Variants in AGTPBP1 observed in about 807,000 individuals in gnomAD.
The protein encoded by AGTPBP1 is ATP/GTP binding carboxypeptidase 1.
A neutral mutation model predicts 143.9 loss-of-function variants in AGTPBP1; 70 were observed. That is an observed-to-expected ratio of 0.49 (90% CI 0.40 to 0.59). The LOEUF (loss-of-function observed/expected upper bound fraction) is 0.59. AGTPBP1 is among the 20% of genes least tolerant of loss of function. The pLI is 0.00. For missense variants in AGTPBP1, 1,229 were observed against 1,464.5 expected (o/e 0.84, Z 2.62); for synonymous variants, 463 against 500.2 (o/e 0.93, Z 0.99).
chr9:85,584,847 A>G (rs1828504263), intron 23 of AGTPBP1, among the ~76,000 whole-genome samples: 1 of 152,238 alleles, frequency 6.6e-6, no homozygotes, highest in African/African-American at 2.4e-5. Flanking sequence ...CCAAATATAA[A>G]AGACTTGACT....
chr9:85,663,628 A>C (rs1833967195), intron 8 of AGTPBP1, among the ~76,000 whole-genome samples: 1 of 152,062 alleles, frequency 6.6e-6, no homozygotes, highest in East Asian at 1.9e-4. Context: ...GAAAAAAAAA[A>C]AACAATTGAA....
intron 4 of AGTPBP1, among the ~76,000 whole-genome samples, chr9:85,681,021 C>CTTA (rs1010261312): frequency 3.9e-5 from 6 of 152,192 alleles, no homozygotes; most frequent in Non-Finnish European, 5.9e-5. Flanking sequence ...GGGAAATATA[C>CTTA]TTCAATAGTC....
At chr9:85,553,481 C>T (rs1826151809) in intron 25 of AGTPBP1, among the ~76,000 whole-genome samples, 1 of 152,166 alleles carries the variant, frequency 6.6e-6, no homozygotes, top group East Asian at 1.9e-4. Context: ...GTAGGCTAGG[C>T]TAAGCTATGA....
At chr9:85,785,108 G>A in the AGTPBP1 span, among the ~76,000 whole-genome samples, 4 of 151,952 alleles carry the variant, frequency 2.6e-5, no homozygotes, top group South Asian at 2.1e-4. Flanking sequence ...CAAGGCAGGC[G>A]GATCACCTGA....
At chr9:85,743,660 T>C (rs1022761907), upstream of AGTPBP1, among the ~76,000 whole-genome samples, 1 of 152,188 alleles carries the variant, frequency 6.6e-6, no homozygotes, top group Non-Finnish European at 1.5e-5. Context: ...TGCAAGATAC[T>C]TTGAGAGCTC....
chr9:85,677,311 T>G (rs1587880215), intron 6 of AGTPBP1, 125 bp downstream of exon 6: 1 of 850,504 alleles, frequency 1.2e-6, no homozygotes, highest in East Asian at 2.9e-5. Context: ...ACATGTACAA[T>G]TATTGTGTAT....
At chr9:85,573,794 C>A (rs550058279) in intron 25 of AGTPBP1, among the ~76,000 whole-genome samples, 1 of 151,540 alleles carries the variant, frequency 6.6e-6, no homozygotes, top group Non-Finnish European at 1.5e-5. Context: ...TGCCCGGCAG[C>A]GACCCCGTCT....
chr9:85,802,529 C>T, the AGTPBP1 span, among the ~76,000 whole-genome samples: 1 of 152,116 alleles, frequency 6.6e-6, no homozygotes, highest in Non-Finnish European at 1.5e-5. Context: ...TTACCATGTT[C>T]TTTAGTCAGT....
At chr9:85,564,024 GA>G (rs1328710709) in intron 25 of AGTPBP1, among the ~76,000 whole-genome samples, 2 of 152,218 alleles carry the variant, frequency 1.3e-5, no homozygotes, top group African/African-American at 4.8e-5. Context: ...CCTAGATATC[GA>G]AGGATGGAGC....
chr9:85,570,659 C>T (rs1162530223), intron 25 of AGTPBP1, among the ~76,000 whole-genome samples: 1 of 152,164 alleles, frequency 6.6e-6, no homozygotes, highest in Non-Finnish European at 1.5e-5. Flanking sequence ...TCTCATTTCC[C>T]ATTTCTTCTA....
At chr9:85,787,128 G>C in the AGTPBP1 span, among the ~76,000 whole-genome samples, 1 of 152,046 alleles carries the variant, frequency 6.6e-6, no homozygotes, top group African/African-American at 2.4e-5. Context: ...GGTCAGTCTT[G>C]ACTTTTTAAA....
chr9:85,680,890 TA>T (rs1835126028), intron 4 of AGTPBP1, among the ~76,000 whole-genome samples: 1 of 152,198 alleles, frequency 6.6e-6, no homozygotes, highest in Non-Finnish European at 1.5e-5. Flanking sequence ...GCTAAAACAA[TA>T]AACGATAATT....
the AGTPBP1 span, among the ~76,000 whole-genome samples, chr9:85,803,751 T>C: frequency 6.6e-6 from 1 of 152,252 alleles, no homozygotes; most frequent in Non-Finnish European, 1.5e-5. Context: ...TTCTAACTTA[T>C]TAGTGTCCAT....
intron 1 of AGTPBP1, among the ~76,000 whole-genome samples, chr9:85,723,711 T>C (rs1055490347): frequency 4.6e-5 from 7 of 152,050 alleles, no homozygotes; most frequent in Non-Finnish European, 1.0e-4. Flanking sequence ...ACCAGTCCCA[T>C]TGAGATGAAC....
At position 85,712,562 on chromosome 9, in the gene AGTPBP1, A is replaced by G; in HGVS notation, c.-29T>C. ...GAGTTACTTCATTTCATAATTGCAG[A>G]TAATCTAAAAGAAAAATGTTAATGA... On this transcript the variant is annotated 5_prime_UTR_variant, in exon 2 of 26. Transcript: ENST00000357081. 1 of 1,427,048 alleles carries G rather than the reference A, an allele frequency of 7.0e-7. No homozygotes were observed. Among genetic ancestry groups the G allele is most frequent in the Non-Finnish European group, 9.4e-7 (1 of 1,060,016 alleles). The allele number at this position is 1,427,048 out of a possible 1,614,324, so 88.4% of individuals were successfully genotyped here.
chr9:85,663,164 T>C (rs999461920), intron 8 of AGTPBP1, among the ~76,000 whole-genome samples: 6 of 152,122 alleles, frequency 3.9e-5, no homozygotes, highest in South Asian at 4.1e-4. Context: ...AAATGAAAGC[T>C]GTACAGGGAT....
At chr9:85,705,815 C>T (rs757049047) in intron 2 of AGTPBP1, among the ~76,000 whole-genome samples, 5 of 151,962 alleles carry the variant, frequency 3.3e-5, no homozygotes, top group Admixed American at 6.6e-5. Context: ...CTCAGCCTCC[C>T]GAGTAGCTGG....
At chr9:85,620,979 T>A (rs1241894047) in intron 15 of AGTPBP1, among the ~76,000 whole-genome samples, 1 of 152,010 alleles carries the variant, frequency 6.6e-6, no homozygotes, top group East Asian at 1.9e-4. Context: ...ACAAACAAAA[T>A]CTCGTGATAG....
chr9:85,682,025 G>C (rs1254783976), intron 3 of AGTPBP1, among the ~76,000 whole-genome samples: 1 of 151,396 alleles, frequency 6.6e-6, no homozygotes, highest in Non-Finnish European at 1.5e-5. Flanking sequence ...TGGGATTACA[G>C]GCATGAGCCA....
Sources: gnomAD v4.1 joint callset for allele counts (sites outside exome capture counted in the v4.1 genomes callset) on GRCh38, gnomAD v4.1.1 for gene constraint, MANE v1.5 for transcripts, NCBI Gene and HGNC (gene_info 2026-07-23, HGNC 2026-07-21) for gene names.